The following CLUL1 variants were observed in gnomAD, a reference collection of about 807,000 sequenced individuals.
CLUL1 encodes clusterin-like protein 1.
In CLUL1, 43 loss-of-function variants were observed where a neutral mutation model predicts 49.4. The ratio of observed to expected loss-of-function variants is 0.87; its 90% confidence interval spans 0.68 to 1.12. The LOEUF is 1.12. CLUL1 is among the 50% of genes most tolerant of loss of function. CLUL1 has a pLI of 0.00. For synonymous variants in CLUL1, 192 were observed against 184.9 expected, an observed-to-expected ratio of 1.04 and a Z score of -0.31; for missense variants, 486 against 544.4, an observed-to-expected ratio of 0.89 and a Z score of 1.07.
At chr18:613,377 A>T in intron 2 of CLUL1, 1 of 273,092 alleles carries the variant, frequency 3.7e-6, no homozygotes, top group African/African-American at 2.2e-5. Flanking sequence ...GACCCAAGTG[A>T]TCTGCCTGCC....
chr18:613,042 T>A (rs1338737161), intron 2 of CLUL1: 1 of 318,974 alleles, frequency 3.1e-6, no homozygotes, highest in East Asian at 4.7e-5. Flanking sequence ...AATTTTCTCA[T>A]TTTGTATTCA....
intron 2 of CLUL1, 57 bp downstream of exon 2, chr18:607,156 C>G: frequency 1.4e-6 from 1 of 699,236 alleles, no homozygotes; most frequent in Non-Finnish European, 2.6e-6. Flanking sequence ...GAGACAGAGT[C>G]TAGCTCTGTC....
intron 6 of CLUL1, among the ~76,000 whole-genome samples, chr18:632,489 AAG>A (rs1053065539): frequency 2.2e-4 from 33 of 152,300 alleles, no homozygotes; most frequent in African/African-American, 7.0e-4. Flanking sequence ...TTAATTATTA[AAG>A]AGTTTTTTAA....
In CLUL1 at chr18:606,926, A is replaced by AT; in HGVS notation, c.-135-48dup. ...CAGTGTTCATAGAATATTTGTAATA[A>AT]TTTTAGGCGGCTCCCTAAAATTTCT... is the stretch of plus-strand genomic sequence containing the variant. On this transcript the variant is annotated intron_variant, in intron 1 of 9. Transcript: ENST00000692774. This position sits in a 1 kb window ranked among gnomAD's most constrained non-coding sequence, Gnocchi z 4.1. The AT allele has an allele frequency of 1.7e-6, 1 of 590,276 alleles. No homozygotes were observed. The highest frequency in any genetic ancestry group is 2.8e-5 in the East Asian group (1 of 36,084). 36.6% of individuals were successfully genotyped at this position (590,276 alleles called of 1,614,324 possible).
At chr18:619,135 G>C (rs1406383336) in intron 3 of CLUL1, 78 bp from the exon 4 acceptor site, 1 of 1,362,122 alleles carries the variant, frequency 7.3e-7, no homozygotes, top group African/African-American at 1.5e-5. Context: ...CTCTCTTTTG[G>C]AGACATGAAA....
In CLUL1 at chr18:627,030, A is replaced by AAG. The variant is rs1555633474; in HGVS notation, c.424-65_424-64dup. 2 of 63,508 alleles carry AAG rather than the reference A, an allele frequency of 3.1e-5. 1 individual carries two copies. The highest frequency in any genetic ancestry group is 1.5e-4 in the African/African-American group (2 of 13,350). 3.9% of individuals were successfully genotyped at this position (63,508 alleles called of 1,614,324 possible). A position where few individuals can be genotyped will look rare whatever the true frequency, so the allele number is the denominator to read the frequency against. On this transcript the variant is annotated intron_variant, in intron 5 of 9. Transcript: ENST00000692774. Reference sequence around the variant, plus strand: ...AGGAAAGAAAGAAAGAAAGAAAGAAAAGAAAGAAAGAGTCGAGAAAGAAAA... The same window carrying AAG: ...AGGAAAGAAAGAAAGAAAGAAAGAAAAGAGAAAGAAAGAGTCGAGAAAGAAAA...
intron 1 of CLUL1, among the ~76,000 whole-genome samples, chr18:601,785 G>A (rs1262616609): frequency 6.6e-6 from 1 of 151,964 alleles, no homozygotes; most frequent in African/African-American, 2.4e-5. Flanking sequence ...CTCCAGCCTG[G>A]GTGTCACAGC....
intron 1 of CLUL1, among the ~76,000 whole-genome samples, chr18:604,373 G>C (rs496619): frequency 0.97 from 148,417 of 152,320 alleles, 72,418 homozygotes; most frequent in Middle Eastern, 1. Flanking sequence ...TTACTATGAA[G>C]ATTCATATAC....
chr18:626,891 GAA>G (rs370511796), intron 5 of CLUL1, among the ~76,000 whole-genome samples: 8 of 286 alleles, frequency 0.028, no homozygotes, highest in East Asian at 0.25. Context: ...AAGAAAGAAA[GAA>G]AGAAAGAAAG....
At chr18:604,312 G>A (rs2072910820) in intron 1 of CLUL1, among the ~76,000 whole-genome samples, 1 of 152,210 alleles carries the variant, frequency 6.6e-6, no homozygotes, top group Non-Finnish European at 1.5e-5. Context: ...ACCCATTGAA[G>A]GACATTTGGG....
At chr18:640,555 C>G (rs2074315974) in intron 7 of CLUL1, among the ~76,000 whole-genome samples, 1 of 151,762 alleles carries the variant, frequency 6.6e-6, no homozygotes, top group Non-Finnish European at 1.5e-5. Context: ...TGGCTTTTCA[C>G]TCAGTGTAGT....
rs1359475025 is a variant in CLUL1 at position 645,803 on chromosome 18, AAAAAAAAATATATATATATATATATAT to A, written c.1397+708_1397+734del. On this transcript the variant is annotated intron_variant, in intron 9 of 9. Transcript: ENST00000692774. ...AGCGAGACTCTGTTTAAAAAAAAAA[AAAAAAAAATATATATATATATATATAT>A]ATATATATATATATATATATATGTT... 3.3e-4 allele frequency among the ~76,000 whole-genome samples: 17 copies of A among 50,882 alleles called. 5 individuals are homozygous for A. Among genetic ancestry groups the A allele is most frequent in the African/African-American group, 1.3e-3 (17 of 12,614 alleles). The allele number at this position is 50,882 out of a possible 152,430, so 33.4% of individuals were successfully genotyped here.
Position 627,249 on chromosome 18 carries a change from T to C in CLUL1, c.576T>C (p.Asn192=). 1 of 1,614,050 alleles carries C rather than the reference T, an allele frequency of 6.2e-7. No individual in the cohort carries two copies. Among genetic ancestry groups the C allele is most frequent in the Non-Finnish European group, 8.5e-7 (1 of 1,180,010 alleles). The change falls in exon 6 of 10, where the codon AAT becomes AAC. Residue 192 remains asparagine, a synonymous_variant. Coordinates refer to ENST00000692774, the MANE Select transcript of CLUL1 (RefSeq NM_001393344.1). ...DVFSQLTVDV[N]SLFNRSFNVF... ...TCAGCCAGTTGACTGTGGATGTGAA[T>C]TCTCTCTTTAACAGGAGTTTTAACG...
chr18:632,260 A>G (rs996219121), intron 6 of CLUL1, among the ~76,000 whole-genome samples: 5 of 152,138 alleles, frequency 3.3e-5, no homozygotes, highest in Non-Finnish European at 2.9e-5. Context: ...ATTTTCCTAA[A>G]TCTTTGACCC....
At chr18:609,485 C>A (rs917119736) in intron 2 of CLUL1, among the ~76,000 whole-genome samples, 3 of 152,070 alleles carry the variant, frequency 2.0e-5, no homozygotes, top group South Asian at 2.1e-4. Context: ...GACCCCATCA[C>A]ATGAGGTTAA....
At chr18:614,263 A>G (rs1398076142) in intron 2 of CLUL1, among the ~76,000 whole-genome samples, 2 of 147,980 alleles carry the variant, frequency 1.4e-5, no homozygotes, top group Non-Finnish European at 3.0e-5. Context: ...AGTTTATTAA[A>G]TGAATGGCTG....
chr18:617,762 T>C (rs1003226604), intron 2 of CLUL1, among the ~76,000 whole-genome samples: 1 of 116,196 alleles, frequency 8.6e-6, no homozygotes, highest in African/African-American at 2.6e-5. Flanking sequence ...GGCGGGCTTT[T>C]TTAACTGTCG....
intron 6 of CLUL1, among the ~76,000 whole-genome samples, chr18:627,820 A>C (rs562619388): frequency 6.6e-6 from 1 of 151,674 alleles, no homozygotes; most frequent in African/African-American, 2.4e-5. Flanking sequence ...CTCATTTATT[A>C]TTTCTTTATT....
chr18:636,626 T>C (rs890155878), intron 7 of CLUL1, among the ~76,000 whole-genome samples: 19 of 79,628 alleles, frequency 2.4e-4, no homozygotes, highest in African/African-American at 5.4e-4. Flanking sequence ...CTTTCTCTCT[T>C]TTTTTTTTTT....
Sources: allele counts gnomAD v4.1 joint callset (sites outside exome capture counted in the v4.1 genomes callset), GRCh38; gene constraint gnomAD v4.1.1; non-coding constraint Gnocchi (gnomAD v3.1); transcripts MANE v1.5; gene names NCBI Gene and HGNC (gene_info 2026-07-23, HGNC 2026-07-21).